The following POC5 variants were observed in gnomAD, a reference collection of about 807,000 sequenced individuals.
POC5 encodes centrosomal protein POC5.
In POC5, 48 loss-of-function variants were observed where a neutral mutation model predicts 62.9. That is an observed-to-expected ratio of 0.76 (90% CI 0.61 to 0.97). POC5 has a LOEUF of 0.97. Ranked by LOEUF, POC5 falls within the 50% of genes least tolerant of loss-of-function variation. POC5 has a pLI of 0.00. For synonymous variants in POC5, 236 were observed against 228.2 expected, an observed-to-expected ratio of 1.03 and a Z score of -0.31; for missense variants, 696 against 679.5, an observed-to-expected ratio of 1.02 and a Z score of -0.27.
intron 2 of POC5, among the ~76,000 whole-genome samples, chr5:75,708,612 C>T (rs377254870): frequency 1.8e-4 from 28 of 152,224 alleles, no homozygotes; most frequent in Middle Eastern, 3.4e-3. Flanking sequence ...ATCAAGGCAG[C>T]TTAACTGTTT....
Position 75,674,468 on chromosome 5 carries a change from G to A in POC5, c.1695C>T (p.Leu565=), listed in dbSNP as rs371890962. ...LGTRSAHTQS[L]TSVHSIKVVD Reference sequence around the variant, plus strand: ...CCACTTTTATGGAATGAACACTTGTGAGAGACTGGGTGTGAGCTGATCTGG... The same window carrying A: ...CCACTTTTATGGAATGAACACTTGTAAGAGACTGGGTGTGAGCTGATCTGG... The change falls in exon 12 of 12, where the codon CTC becomes CTT. Residue 565 remains leucine, a synonymous_variant. Coordinates refer to ENST00000428202, the MANE Select transcript of POC5 (RefSeq NM_001099271.2). The A allele has an allele frequency of 1.6e-5, 26 of 1,613,896 alleles. No individual in the cohort carries two copies. Among genetic ancestry groups the A allele is most frequent in the Non-Finnish European group, 2.0e-5 (24 of 1,179,880 alleles).
intron 6 of POC5, among the ~76,000 whole-genome samples, chr5:75,694,333 C>T (rs1776467818): frequency 6.6e-6 from 1 of 152,076 alleles, no homozygotes; most frequent in Non-Finnish European, 1.5e-5. Flanking sequence ...ACATTTAGCA[C>T]ATACTCTTTT....
chr5:75,686,626 A>G (rs541107652), intron 9 of POC5, among the ~76,000 whole-genome samples: 1 of 152,348 alleles, frequency 6.6e-6, no homozygotes, highest in African/African-American at 2.4e-5. Context: ...CTGAGTGTCT[A>G]TCTTTAGATG....
chr5:75,698,633 C>G (rs1776717640), intron 5 of POC5, among the ~76,000 whole-genome samples: 1 of 151,992 alleles, frequency 6.6e-6, no homozygotes, highest in Non-Finnish European at 1.5e-5. Flanking sequence ...CCAAAATTGA[C>G]ACCCTAACTT....
intron 9 of POC5, among the ~76,000 whole-genome samples, chr5:75,687,581 A>T (rs1470373253): frequency 1.3e-5 from 2 of 152,236 alleles, no homozygotes; most frequent in African/African-American, 4.8e-5. Flanking sequence ...ATGTTGTGTA[A>T]TTAGCAGAAG....
At chr5:75,715,117 A>C (rs1777497539) in intron 1 of POC5, among the ~76,000 whole-genome samples, 1 of 151,980 alleles carries the variant, frequency 6.6e-6, no homozygotes, top group South Asian at 2.1e-4. Flanking sequence ...TCAAGACCAT[A>C]CTAGCTAACA....
At chr5:75,684,321 G>A (rs1254280212) in intron 10 of POC5, among the ~76,000 whole-genome samples, 1 of 149,734 alleles carries the variant, frequency 6.7e-6, no homozygotes, top group African/African-American at 2.5e-5. Context: ...AACATAGTCT[G>A]TCCTTCACTC....
chr5:75,694,966 T>C (rs1187920793), intron 5 of POC5, 135 bp from the exon 6 acceptor site: 1 of 622,824 alleles, frequency 1.6e-6, no homozygotes, highest in Non-Finnish European at 2.6e-6. Context: ...TTGGAACACA[T>C]TAATGAAAAA....
chr5:75,691,603 G>C (rs751386596), intron 7 of POC5, among the ~76,000 whole-genome samples: 1 of 152,070 alleles, frequency 6.6e-6, no homozygotes, highest in Admixed American at 6.6e-5. Flanking sequence ...AAACATTTTG[G>C]ATAAGGGATA....
chr5:75,701,298 T>G (rs1313238379), intron 5 of POC5, among the ~76,000 whole-genome samples: 3 of 128,226 alleles, frequency 2.3e-5, no homozygotes, highest in Admixed American at 8.2e-5. Flanking sequence ...TTATTCACAA[T>G]AGCAAAGACT....
Position 75,674,396 on chromosome 5 carries a change from C to G in POC5, c.*39G>C. The G allele has an allele frequency of 6.3e-7, 1 of 1,599,832 alleles. No homozygotes were observed. Among genetic ancestry groups the G allele is most frequent in the Non-Finnish European group, 8.5e-7 (1 of 1,170,402 alleles). On this transcript the variant is annotated 3_prime_UTR_variant, in exon 12 of 12. Coordinates refer to ENST00000428202, the MANE Select transcript of POC5 (RefSeq NM_001099271.2). ...AAAAGACTTCTAACCCTTGGTAAGA[C>G]CAGAGGGATTAAAAGACCCCACTAT...
At chr5:75,714,314 G>A (rs1777465571) in intron 1 of POC5, among the ~76,000 whole-genome samples, 2 of 152,118 alleles carry the variant, frequency 1.3e-5, no homozygotes, top group South Asian at 4.1e-4. Flanking sequence ...CCCTGGGGGT[G>A]GAGGCTGCAG....
intron 10 of POC5, among the ~76,000 whole-genome samples, chr5:75,684,969 G>A (rs1580006017): frequency 1.3e-5 from 2 of 151,408 alleles, no homozygotes; most frequent in African/African-American, 2.4e-5. Flanking sequence ...CAGGGTTCAC[G>A]CCATTCTCCT....
At chr5:75,698,642 T>A (rs367899807) in intron 5 of POC5, among the ~76,000 whole-genome samples, 17 of 150,984 alleles carry the variant, frequency 1.1e-4, no homozygotes, top group East Asian at 8.5e-4. Flanking sequence ...ACACCCTAAC[T>A]TCACAATTAA....
intron 1 of POC5, among the ~76,000 whole-genome samples, chr5:75,715,741 C>G (rs539536850): frequency 6.6e-6 from 1 of 152,212 alleles, no homozygotes; most frequent in African/African-American, 2.4e-5. Context: ...TTTAAATATG[C>G]GTTCAGAGGG....
intron 1 of POC5, among the ~76,000 whole-genome samples, chr5:75,716,194 G>A (rs1185833772): frequency 2.0e-5 from 3 of 152,158 alleles, no homozygotes; most frequent in Non-Finnish European, 2.9e-5. Flanking sequence ...GCATACACAT[G>A]TTAAGTAAAC....
chr5:75,714,007 G>C (rs1195608599), intron 1 of POC5, among the ~76,000 whole-genome samples: 1 of 152,188 alleles, frequency 6.6e-6, no homozygotes, highest in Non-Finnish European at 1.5e-5. Flanking sequence ...GTTTATTCTA[G>C]ACAAGTTATT....
At chr5:75,681,588 T>C (rs1419348375) in intron 10 of POC5, among the ~76,000 whole-genome samples, 2 of 150,636 alleles carry the variant, frequency 1.3e-5, no homozygotes, top group Non-Finnish European at 3.0e-5. Flanking sequence ...CATTTTAATA[T>C]TATTATTTTT....
rs754248140 is a variant in POC5, at chr5:75,694,825, T to C, written c.520A>G (p.Ile174Val). 2 of 1,519,406 alleles carry C rather than the reference T, an allele frequency of 1.3e-6. No individual in the cohort carries two copies. Among genetic ancestry groups the C allele is most frequent in the Non-Finnish European group, 1.8e-6 (2 of 1,116,866 alleles). The allele number at this position is 1,519,406 out of a possible 1,614,324, so 94.1% of individuals were successfully genotyped here. The change falls in exon 6 of 12, where the codon ATC becomes GTC. Residue 174 changes from isoleucine to valine, a missense_variant. Ile to Val is a conservative substitution (Grantham distance 29). Transcript: ENST00000428202. ...DLWSSGLKTNIISELSKWRLN... is the reference protein window; with the variant it reads ...DLWSSGLKTNVISELSKWRLN... ...CTCCATTTACTTAGTTCAGATATGATGTTTGTCTGAAAAATTAATATAGTG... is the reference window on the plus strand; with the variant it reads ...CTCCATTTACTTAGTTCAGATATGACGTTTGTCTGAAAAATTAATATAGTG...
Sources: gnomAD v4.1 joint callset for allele counts (sites outside exome capture counted in the v4.1 genomes callset) on GRCh38, gnomAD v4.1.1 for gene constraint, MANE v1.5 for transcripts, NCBI Gene and HGNC (gene_info 2026-07-23, HGNC 2026-07-21) for gene names.